The following FGD3 variants were observed in gnomAD, a reference collection of about 807,000 sequenced individuals.
FGD3 encodes the protein FYVE, RhoGEF and PH domain containing 3.
FGD3 carries 45 observed loss-of-function variants against 71.8 expected under a neutral mutation model. The observed-to-expected ratio is 0.63, with a 90% CI of 0.49 to 0.80. FGD3 has a LOEUF of 0.80. Among genes scored for constraint, FGD3 ranks in the 30% least tolerant of loss-of-function variants. The probability of loss-of-function intolerance (pLI) is 0.00; values close to 1 mark genes in which losing one functional copy is unlikely to be tolerated. For missense variants in FGD3, 844 were observed against 951.5 expected (o/e 0.89, Z 1.49); for synonymous variants, 378 against 392.8 (o/e 0.96, Z 0.44).
In FGD3 at chr9:92,969,405, A is replaced by G. The variant is rs548095728; in HGVS notation, c.-217-5833A>G. Among the ~76,000 whole-genome samples, 11 of 152,306 alleles carry G rather than the reference A, an allele frequency of 7.2e-5. No homozygotes were observed. The South Asian group carries it at 2.3e-3, about 32-fold the overall frequency. On this transcript the variant is annotated intron_variant, in intron 1 of 17. Coordinates refer to ENST00000375482, the MANE Select transcript of FGD3 (RefSeq NM_001083536.2). This position sits in a 1 kb window ranked among gnomAD's most constrained non-coding sequence, Gnocchi z 4.5. ...CCCACATGCTGCCCTCTCTAGTTACAGCGAGTCTCTTAGGGGCTCTGTATT... is the reference window on the plus strand; with the variant it reads ...CCCACATGCTGCCCTCTCTAGTTACGGCGAGTCTCTTAGGGGCTCTGTATT...
intron 1 of FGD3, among the ~76,000 whole-genome samples, chr9:92,971,114 G>C (rs1284725494): frequency 6.6e-6 from 1 of 152,164 alleles, no homozygotes; most frequent in African/African-American, 2.4e-5. Context: ...CTTTTAATTT[G>C]ATTGCCTTTG....
chr9:93,023,137 T>G (rs1861989710), intron 14 of FGD3, among the ~76,000 whole-genome samples: 1 of 152,328 alleles, frequency 6.6e-6, no homozygotes, highest in Middle Eastern at 3.4e-3. Context: ...TGTGCCCAGA[T>G]GCAGGAGGGT....
chr9:92,973,902 A>G (rs1031218401), intron 1 of FGD3, among the ~76,000 whole-genome samples: 7 of 152,024 alleles, frequency 4.6e-5, no homozygotes, highest in African/African-American at 1.2e-4. Context: ...TGGGCCTCCC[A>G]GTTTTGTCTT....
chr9:93,011,585 C>T (rs1051154997), intron 8 of FGD3, among the ~76,000 whole-genome samples: 4 of 152,188 alleles, frequency 2.6e-5, no homozygotes, highest in Admixed American at 2.0e-4. Flanking sequence ...GGGCCGGGCG[C>T]GGTTGCTCAT....
Position 93,003,006 on chromosome 9 carries a change from C to G in FGD3, c.535C>G (p.Leu179Val). The stretch of plus-strand genomic sequence containing the variant: ...GACCTATGTGAAGCGGCTGCACCTG[C>G]TGGACCAGGTAGCCCACATGGCTTG... Reference protein sequence around the residue: ...EETYVKRLHLLDQVFCTRLTD... With the variant: ...EETYVKRLHLVDQVFCTRLTD... Residue 179 changes from leucine (L) to valine (V), a missense_variant, in exon 4 of 18, where the codon CTG becomes GTG. Physicochemically the swap from Leu to Val is conservative, Grantham distance 32. Coordinates refer to ENST00000375482, the MANE Select transcript of FGD3 (RefSeq NM_001083536.2). This position sits in a 1 kb window ranked among gnomAD's most constrained non-coding sequence, Gnocchi z 4.1. The G allele has an allele frequency of 1.2e-6, 2 of 1,614,180 alleles. No individual in the cohort carries two copies. Among genetic ancestry groups the G allele is most frequent in the Non-Finnish European group, 1.7e-6 (2 of 1,180,018 alleles).
chr9:92,964,819 T>TG (rs1190850866), intron 1 of FGD3, among the ~76,000 whole-genome samples: 6 of 151,940 alleles, frequency 3.9e-5, no homozygotes, highest in Non-Finnish European at 8.8e-5. Flanking sequence ...CACCCAGGCC[T>TG]GGGGGGCGGG....
At chr9:93,028,228 A>G (rs1014895976) in intron 14 of FGD3, among the ~76,000 whole-genome samples, 1 of 147,234 alleles carries the variant, frequency 6.8e-6, no homozygotes, top group Admixed American at 6.8e-5. Flanking sequence ...GCACACACAC[A>G]CACACACACC....
intron 16 of FGD3, 29 bp from the exon 17 acceptor site, chr9:93,034,512 G>GC (rs1255811850): frequency 6.3e-7 from 1 of 1,591,506 alleles, no homozygotes. Context: ...AGGGGAGACT[G>GC]CCCCTAACCT....
intron 16 of FGD3, chr9:93,033,318 CCGTCCCCTTCTCCTCCTCCTCCCCG>C (rs1286600310): frequency 2.8e-5 from 7 of 253,574 alleles, no homozygotes; most frequent in African/African-American, 1.6e-4. Flanking sequence ...CTCCTCCTCC[CCGTCCCCTTCTCCTCCTCCTCCCCG>C]TCCCCTTCTC....
At chr9:93,033,646 C>T (rs896352888) in intron 16 of FGD3, 1 of 153,002 alleles carries the variant, frequency 6.5e-6, no homozygotes, top group Non-Finnish European at 1.5e-5. Context: ...ACGTGAGTTT[C>T]CAGAAAAGCA....
chr9:93,004,517 C>T (rs76371872), intron 5 of FGD3, among the ~76,000 whole-genome samples: 6,388 of 152,286 alleles, frequency 0.042, 186 homozygotes, highest in East Asian at 0.14. Context: ...TTTTCCCTCT[C>T]AACAGTGGAC....
In FGD3 at chr9:93,035,354, G is replaced by A. The variant is rs200577392; in HGVS notation, c.1943G>A (p.Arg648His). 220 of 1,609,736 alleles carry A rather than the reference G, an allele frequency of 1.4e-4. No individual in the cohort carries two copies. The highest frequency in any genetic ancestry group is 1.8e-4 in the Admixed American group (11 of 59,762). ...CTGCTGCAGGACGGCCGGCTGCCCC[G>A]CACCATCCCTCTCCCCAGCTGCAAA... The part of the protein sequence containing the change: ...QGGSQDGRLP[R>H]TIPLPSCKLS... Residue 648 changes from arginine (R) to histidine (H), a missense_variant, in exon 18 of 18, where the codon CGC (arginine) becomes CAC (histidine). Transcript: ENST00000375482.
intron 1 of FGD3, among the ~76,000 whole-genome samples, chr9:92,953,523 G>A (rs77156202): frequency 0.049 from 7,426 of 152,262 alleles, 334 homozygotes; most frequent in East Asian, 0.25. Flanking sequence ...CCAGCTTCTC[G>A]CTGCTCACAC....
chr9:93,035,315 G>A, intron 17 of FGD3, 23 bp from the exon 18 acceptor site: 3 of 1,600,966 alleles, frequency 1.9e-6, no homozygotes, highest in Non-Finnish European at 1.7e-6. Context: ...TGGCCCCGCT[G>A]ACCATCTGCT....
At chr9:92,990,999 G>T (rs969850302) in intron 3 of FGD3, among the ~76,000 whole-genome samples, 1 of 152,128 alleles carries the variant, frequency 6.6e-6, no homozygotes, top group African/African-American at 2.4e-5. Context: ...GGTATCAATT[G>T]TTCTTTATAG....
intron 1 of FGD3, among the ~76,000 whole-genome samples, chr9:92,965,150 G>C (rs74961978): frequency 0.018 from 2,766 of 152,322 alleles, 95 homozygotes; most frequent in African/African-American, 0.063. Flanking sequence ...ACTGTGCAGA[G>C]GGGGCCCGAG....
At chr9:93,017,058 C>T (rs778078720) in intron 10 of FGD3, among the ~76,000 whole-genome samples, 8 of 152,310 alleles carry the variant, frequency 5.3e-5, no homozygotes, top group Non-Finnish European at 8.8e-5. Flanking sequence ...CACTTGAACC[C>T]AGGAGTTCGG....
At chr9:92,995,360 T>C (rs1262532682) in intron 3 of FGD3, among the ~76,000 whole-genome samples, 1 of 152,218 alleles carries the variant, frequency 6.6e-6, no homozygotes. Context: ...CTTATCAGCT[T>C]AAGGAGATTT....
intron 14 of FGD3, among the ~76,000 whole-genome samples, chr9:93,026,564 G>T (rs761700731): frequency 6.6e-6 from 1 of 152,214 alleles, no homozygotes; most frequent in Non-Finnish European, 1.5e-5. Context: ...CAAGTGCTCA[G>T]CTCAGTTCCA....
Sources: allele counts gnomAD v4.1 joint callset (sites outside exome capture counted in the v4.1 genomes callset), GRCh38; gene constraint gnomAD v4.1.1; non-coding constraint Gnocchi (gnomAD v3.1); transcripts MANE v1.5; gene names NCBI Gene and HGNC (gene_info 2026-07-23, HGNC 2026-07-21).